Variants in HOMER2 observed in about 807,000 individuals in gnomAD.
HOMER2 encodes homer protein homolog 2.
Under a neutral mutation model 47.0 loss-of-function variants are expected in HOMER2, and 27 were observed. The ratio of observed to expected loss-of-function variants is 0.57; its 90% CI spans 0.42 to 0.79. HOMER2 has a LOEUF of 0.79. Among genes scored for constraint, HOMER2 ranks in the 30% least tolerant of loss-of-function variants. HOMER2 has a pLI of 0.00. For synonymous variants in HOMER2, 161 were observed against 163.8 expected (o/e 0.98, Z 0.13); for missense variants, 443 against 435.0 (o/e 1.02, Z -0.16).
rs17158223 is a variant in HOMER2 at position 82,852,221 on chromosome 15, A to C, written c.683T>G (p.Ile228Ser). ...IDELEEQCSEINREKEKNTQL... is the reference protein window; with the variant it reads ...IDELEEQCSESNREKEKNTQL... ...CGTGTTCTTCTCCTTCTCTCTGTTG[A>C]TCTCACTGCATTGTTCTTCCAGCTC... The change falls in exon 7 of 9, where the codon ATC becomes AGC. Residue 228 changes from isoleucine (I) to serine (S), a missense_variant. Transcript: ENST00000450735. The C allele has an allele frequency of 2.5e-6, 4 of 1,613,806 alleles. No individual in the cohort carries two copies. Among genetic ancestry groups the C allele is most frequent in the Non-Finnish European group, 3.4e-6 (4 of 1,179,836 alleles).
intron 4 of HOMER2, among the ~76,000 whole-genome samples, chr15:82,859,884 C>A (rs1436903293): frequency 6.6e-6 from 1 of 151,040 alleles, no homozygotes. Flanking sequence ...ACACCATAAA[C>A]AAAATTAAAA....
chr15:82,873,615 G>C (rs1274658598), intron 3 of HOMER2, among the ~76,000 whole-genome samples: 1 of 152,200 alleles, frequency 6.6e-6, no homozygotes, highest in Non-Finnish European at 1.5e-5. Flanking sequence ...ACCTGCCCTC[G>C]AGATTTTTGC....
chr15:82,900,167 C>T (rs1281349845), intron 1 of HOMER2, among the ~76,000 whole-genome samples: 2 of 152,102 alleles, frequency 1.3e-5, no homozygotes, highest in African/African-American at 4.8e-5. Flanking sequence ...CAATTGTGTG[C>T]CCCTATAGTC....
intron 1 of HOMER2, among the ~76,000 whole-genome samples, chr15:82,896,761 C>A (rs1292694218): frequency 1.3e-5 from 2 of 152,232 alleles, no homozygotes; most frequent in African/African-American, 4.8e-5. Flanking sequence ...AACTACCCGC[C>A]GCTCTGGGAT....
chr15:82,936,824 G>A (rs1292316982), intron 1 of HOMER2, among the ~76,000 whole-genome samples: 1 of 151,892 alleles, frequency 6.6e-6, no homozygotes, highest in Non-Finnish European at 1.5e-5. Flanking sequence ...CTCCCAAAGT[G>A]TGTGAGGTGT....
intron 1 of HOMER2, among the ~76,000 whole-genome samples, chr15:82,964,185 C>T (rs1409828283): frequency 6.6e-6 from 1 of 152,170 alleles, no homozygotes; most frequent in Admixed American, 6.5e-5. Context: ...ATTGTCAGAG[C>T]TGAAATTTAA....
chr15:82,875,475 T>C, intron 2 of HOMER2, 71 bp from the exon 3 acceptor site: 2 of 1,531,704 alleles, frequency 1.3e-6, no homozygotes, highest in East Asian at 2.3e-5. Context: ...TAGAAAGTCT[T>C]CTATTGGCAA....
upstream of HOMER2, chr15:82,985,989 T>C (rs1369808581): frequency 2.2e-5 from 18 of 822,604 alleles, no homozygotes; most frequent in Non-Finnish European, 2.5e-5. Flanking sequence ...AGGAGCTTAA[T>C]AGACGGCGAC....
chr15:82,869,593 G>A (rs1483296327), intron 3 of HOMER2, among the ~76,000 whole-genome samples: 1 of 151,566 alleles, frequency 6.6e-6, no homozygotes, highest in Non-Finnish European at 1.5e-5. Flanking sequence ...AAGTAGCTGG[G>A]ATTACAGACG....
chr15:82,895,290 C>G (rs2052871080), intron 1 of HOMER2, among the ~76,000 whole-genome samples: 1 of 151,938 alleles, frequency 6.6e-6, no homozygotes, highest in Non-Finnish European at 1.5e-5. Flanking sequence ...GATGCTAAAC[C>G]AACACCCTTC....
chr15:82,845,261 C>CACACACACACACACACAT (rs1159583287), downstream of HOMER2: 1 of 145,232 alleles, frequency 6.9e-6, no homozygotes, highest in Non-Finnish European at 1.6e-5. Flanking sequence ...CACACACACA[C>CACACACACACACACACAT]GCGTGCGCAC....
At chr15:82,908,394 C>A (rs558470664) in intron 1 of HOMER2, among the ~76,000 whole-genome samples, 1 of 152,192 alleles carries the variant, frequency 6.6e-6, no homozygotes, top group African/African-American at 2.4e-5. Flanking sequence ...GTCACTTATA[C>A]TAAAGTTCCA....
intron 1 of HOMER2, among the ~76,000 whole-genome samples, chr15:82,919,204 A>G (rs1398487831): frequency 3.9e-5 from 6 of 152,204 alleles, no homozygotes; most frequent in Non-Finnish European, 7.3e-5. Flanking sequence ...GTGCTTCTGG[A>G]TCTCTTCTGT....
chr15:82,895,027 A>G (rs995633841), intron 1 of HOMER2, among the ~76,000 whole-genome samples: 4 of 152,236 alleles, frequency 2.6e-5, no homozygotes, highest in Non-Finnish European at 5.9e-5. Context: ...CACCAGCAGC[A>G]TCAACCATCA....
rs747626361 is a variant in HOMER2 at position 82,859,110 on chromosome 15, T to G, written c.413A>C (p.Asp138Ala). 6.2e-7 allele frequency: 1 copy of G among 1,613,900 alleles called. No individual in the cohort carries two copies. Among genetic ancestry groups the G allele is most frequent in the Non-Finnish European group, 8.5e-7 (1 of 1,179,890 alleles). The change falls in exon 5 of 9, where the codon GAT becomes GCT. Residue 138 changes from aspartate to alanine, a missense_variant. Transcript: ENST00000450735. Reference sequence around the variant, plus strand: ...TGGACCGGCGTGAGAGGCCTTTTCATCGTCCGTCCCGTTGACACTGGATGC... The same window carrying G: ...TGGACCGGCGTGAGAGGCCTTTTCAGCGTCCGTCCCGTTGACACTGGATGC... ...SQASSVNGTD[D>A]EKASHAGPAN... is the part of the protein sequence containing the mutation.
chr15:82,890,531 G>C (rs1466478003), intron 2 of HOMER2, among the ~76,000 whole-genome samples: 2 of 152,040 alleles, frequency 1.3e-5, no homozygotes, highest in African/African-American at 4.8e-5. Flanking sequence ...CACAGCCAGG[G>C]GCTTAGCCTA....
intron 1 of HOMER2, among the ~76,000 whole-genome samples, chr15:82,893,450 A>G (rs1243006045): frequency 6.9e-6 from 1 of 145,050 alleles, no homozygotes; most frequent in Non-Finnish European, 1.5e-5. Context: ...CTCCTGCCTC[A>G]GCCTCCTGAG....
chr15:82,857,178 C>G (rs2151616467), intron 5 of HOMER2, among the ~76,000 whole-genome samples: 1 of 152,116 alleles, frequency 6.6e-6, no homozygotes. Flanking sequence ...TGAATGGGAT[C>G]CAGGTCTTTA....
chr15:82,890,256 C>T (rs568193987), intron 2 of HOMER2, among the ~76,000 whole-genome samples: 10 of 152,232 alleles, frequency 6.6e-5, no homozygotes, highest in Non-Finnish European at 1.3e-4. Context: ...GTGGGAGAAT[C>T]GCTTGATCCT....
Sources: gnomAD v4.1 joint callset for allele counts (sites outside exome capture counted in the v4.1 genomes callset) on GRCh38, gnomAD v4.1.1 for gene constraint, MANE v1.5 for transcripts, NCBI Gene and HGNC (gene_info 2026-07-23, HGNC 2026-07-21) for gene names.